The following LAMC1 variants were observed in gnomAD, a reference collection of about 807,000 sequenced individuals.
LAMC1 encodes laminin subunit gamma 1.
Under a neutral mutation model 173.6 loss-of-function variants are expected in LAMC1, and 38 were observed. The observed-to-expected ratio is 0.22, with a 90% CI of 0.17 to 0.29. The LOEUF (loss-of-function observed/expected upper bound fraction) is 0.29. LAMC1 is among the 10% of genes least tolerant of loss of function. The probability of loss-of-function intolerance (pLI) is 1.00; values close to 1 mark genes in which losing one functional copy is unlikely to be tolerated. For synonymous variants in LAMC1, 746 were observed against 749.1 expected, an observed-to-expected ratio of 1.00 and a Z score of 0.07; for missense variants, 1,824 against 2,051.8, an observed-to-expected ratio of 0.89 and a Z score of 2.14.
chr1:183,028,117 C>T (rs1156623182), intron 1 of LAMC1, among the ~76,000 whole-genome samples: 3 of 151,386 alleles, frequency 2.0e-5, no homozygotes, highest in Admixed American at 6.6e-5. Flanking sequence ...AAAGAATTTA[C>T]ACATTAGGGG....
rs1441095267 is a variant in LAMC1, at chr1:183,139,399, G to GC, written c.4474-1004dup. 3.9e-5 allele frequency among the ~76,000 whole-genome samples: 6 copies of GC among 152,274 alleles called. No homozygotes were observed. The South Asian group carries it at 1.2e-3, about 32-fold the overall frequency. On this transcript the variant is annotated intron_variant, in intron 26 of 27. Transcript: ENST00000258341. The stretch of plus-strand genomic sequence containing the variant: ...TAGCTTCATTCTTTTGGAAGAGGAG[G>GC]CTGGAGACCACAGGTTAAATGCAGG...
chr1:183,133,272 A>T, intron 21 of LAMC1, 134 bp from the exon 22 acceptor site: 1 of 762,708 alleles, frequency 1.3e-6, no homozygotes, highest in Non-Finnish European at 2.2e-6. Context: ...TGTTGGTATT[A>T]AAATGCAAGC....
rs1062044 is a variant in LAMC1 at position 183,143,277 on chromosome 1, A to G, written c.*487A>G. On this transcript the variant is annotated 3_prime_UTR_variant, in exon 28 of 28. Transcript: ENST00000258341. ...TAAAGAAAATGCATCTGCATCTCCT[A>G]CCCCTCTTCCTTCTAAGCAAAAGGA... 0.53 allele frequency: 83,029 copies of G among 155,858 alleles called. 22,616 individuals are homozygous for G. Among genetic ancestry groups the G allele is most frequent in the South Asian group, 0.65 (3,286 of 5,084 alleles). The allele number at this position is 155,858 out of a possible 1,614,324, so 9.7% of individuals were successfully genotyped here. A position where few individuals can be genotyped will look rare whatever the true frequency, so the allele number is the denominator to read the frequency against.
At chr1:183,085,333 C>T (rs1655398950) in intron 1 of LAMC1, among the ~76,000 whole-genome samples, 1 of 151,836 alleles carries the variant, frequency 6.6e-6, no homozygotes, top group South Asian at 2.1e-4. Context: ...GGTGGTTTCA[C>T]TGAATTGTCC....
At chr1:183,097,303 T>C (rs1655718374) in intron 1 of LAMC1, among the ~76,000 whole-genome samples, 1 of 152,206 alleles carries the variant, frequency 6.6e-6, no homozygotes, top group Admixed American at 6.5e-5. Flanking sequence ...TTATTAAAGT[T>C]TTATATGCCT....
chr1:183,140,272 A>C (rs1657074743), intron 26 of LAMC1, 132 bp from the exon 27 acceptor site: 1 of 346,844 alleles, frequency 2.9e-6, no homozygotes. Context: ...AAAAGCAATG[A>C]GAGGTTTCAA....
chr1:183,118,851 A>G (rs1365498675), intron 11 of LAMC1, among the ~76,000 whole-genome samples: 1 of 152,174 alleles, frequency 6.6e-6, no homozygotes, highest in East Asian at 1.9e-4. Flanking sequence ...AAAGTCATAA[A>G]TTATTGAATG....
chr1:183,063,579 G>A (rs1287310287), intron 1 of LAMC1, among the ~76,000 whole-genome samples: 1 of 152,186 alleles, frequency 6.6e-6, no homozygotes, highest in African/African-American at 2.4e-5. Flanking sequence ...AGTTGCTTTT[G>A]TAGGGGCCAT....
Position 183,124,655 on chromosome 1 carries a change from A to G in LAMC1, c.2426A>G (p.Asp809Gly), listed in dbSNP as rs1482867377. ...GGTAAGAGATGTGAGCTCTGTGATG[A>G]TGGCTACTTTGGAGACCCCCTGGGT... ...TTGKRCELCD[D>G]GYFGDPLGRN... is the part of the protein sequence containing the mutation. Residue 809 changes from aspartate (D) to glycine (G), a missense_variant, in exon 14 of 28, where the codon GAT becomes GGT. Transcript: ENST00000258341. The G allele has an allele frequency of 2.5e-6, 4 of 1,614,088 alleles. No individual in the cohort carries two copies. Among genetic ancestry groups the G allele is most frequent in the Non-Finnish European group, 3.4e-6 (4 of 1,180,026 alleles).
intron 1 of LAMC1, among the ~76,000 whole-genome samples, chr1:183,029,949 G>T (rs993860222): frequency 6.6e-6 from 1 of 151,690 alleles, no homozygotes; most frequent in Non-Finnish European, 1.5e-5. Flanking sequence ...CATGTCTCTC[G>T]ATTTGGGGGT....
At chr1:183,075,313 G>A (rs1162470865) in intron 1 of LAMC1, among the ~76,000 whole-genome samples, 2 of 151,868 alleles carry the variant, frequency 1.3e-5, no homozygotes, top group South Asian at 2.1e-4. Flanking sequence ...ACAGGGTTTC[G>A]CCATGTTGCC....
Position 183,118,647 on chromosome 1 carries a change from C to G in LAMC1, c.1990+501C>G, listed in dbSNP as rs534085687. Among the ~76,000 whole-genome samples the G allele has an allele frequency of 6.3e-4, 96 of 151,520 alleles. 1 individual carries two copies. The Middle Eastern group carries it at 0.024, about 38-fold the overall frequency. On this transcript the variant is annotated intron_variant, in intron 11 of 27. Transcript: ENST00000258341. ...CTGAGGGATGAGATTCGCTTAAACC[C>G]GGGAGGCAGTGGTTGCAGTGAGCTG...
chr1:183,124,249 G>A (rs1382954795), intron 13 of LAMC1, among the ~76,000 whole-genome samples: 2 of 152,248 alleles, frequency 1.3e-5, no homozygotes, highest in East Asian at 3.8e-4. Context: ...AGTGTCAAGA[G>A]TGGCACTTCA....
intron 2 of LAMC1, among the ~76,000 whole-genome samples, chr1:183,107,720 C>G (rs1427102501): frequency 6.6e-6 from 1 of 152,110 alleles, no homozygotes; most frequent in African/African-American, 2.4e-5. Context: ...GTCCCAGCTA[C>G]TCGGGAGGCT....
intron 1 of LAMC1, among the ~76,000 whole-genome samples, chr1:183,070,246 C>T (rs1654978744): frequency 6.6e-6 from 1 of 152,178 alleles, no homozygotes. Flanking sequence ...GTTTCCTCAC[C>T]TATAAACAAG....
chr1:183,137,161 G>C (rs3768613), intron 25 of LAMC1, among the ~76,000 whole-genome samples: 80,796 of 152,042 alleles, frequency 0.53, 21,958 homozygotes, highest in South Asian at 0.65. Flanking sequence ...AAGAATCAGA[G>C]AAACCTCTTA....
At chr1:183,131,190 A>AAT in intron 19 of LAMC1, 109 bp from the exon 20 acceptor site, 1 of 686,422 alleles carries the variant, frequency 1.5e-6, no homozygotes, top group Non-Finnish European at 2.5e-6. Context: ...AAAAAAAAAA[A>AAT]GGTAGAGGCA....
chr1:183,114,666 T>A lies in LAMC1; in HGVS notation c.1157T>A (p.Phe386Tyr), dbSNP rs199982599. The change falls in exon 5 of 28, where the codon TTC (phenylalanine) becomes TAC (tyrosine). Residue 386 changes from phenylalanine to tyrosine, a missense_variant. By Grantham distance (22) the Phe-to-Tyr change is conservative (BLOSUM62 3). Transcript: ENST00000258341. ...GAHCERCREN[F>Y]FRLGNNEACS... Reference sequence around the variant, plus strand: ...CACTGTGAGAGGTGCCGAGAGAACTTCTTCCGCCTTGGCAACAATGAAGCC... The same window carrying A: ...CACTGTGAGAGGTGCCGAGAGAACTACTTCCGCCTTGGCAACAATGAAGCC... The A allele has an allele frequency of 7.4e-5, 120 of 1,614,164 alleles. No homozygotes were observed. In the East Asian group the frequency reaches 2.2e-3, roughly 29 times the overall value.
chr1:183,033,543 A>G (rs1653900193), intron 1 of LAMC1, among the ~76,000 whole-genome samples: 2 of 152,322 alleles, frequency 1.3e-5, no homozygotes, highest in South Asian at 4.1e-4. Flanking sequence ...TTTAATTTCC[A>G]TGGTGAAATG....
Sources: gnomAD v4.1 joint callset for allele counts (sites outside exome capture counted in the v4.1 genomes callset) on GRCh38, gnomAD v4.1.1 for gene constraint, MANE v1.5 for transcripts, NCBI Gene and HGNC (gene_info 2026-07-23, HGNC 2026-07-21) for gene names.